The following CCDC24 variants were observed in gnomAD, a reference collection of about 807,000 sequenced individuals.
CCDC24 encodes coiled-coil domain-containing protein 24.
A neutral mutation model predicts 31.6 loss-of-function variants in CCDC24; 34 were observed. The ratio of observed to expected loss-of-function variants is 1.08; its 90% confidence interval spans 0.82 to 1.43. CCDC24 has a LOEUF of 1.43. CCDC24 is among the 40% of genes most tolerant of loss of function. The probability of loss-of-function intolerance (pLI) is 0.00; values close to 1 mark genes in which losing one functional copy is unlikely to be tolerated. For missense variants in CCDC24, 426 were observed against 391.1 expected, an observed-to-expected ratio of 1.09 and a Z score of -0.75; for synonymous variants, 175 against 157.3, an observed-to-expected ratio of 1.11 and a Z score of -0.84.
chr1:43,991,825 C>T, intron 1 of CCDC24, 22 bp from the exon 2 acceptor site: 1 of 1,543,206 alleles, frequency 6.5e-7, no homozygotes, highest in Non-Finnish European at 8.7e-7. Context: ...GTACCTCCCG[C>T]ACTCTGACCT....
In CCDC24 at chr1:43,995,863, C is replaced by CACA; in HGVS notation, c.701+11_701+13dup. 3 of 1,614,216 alleles carry CACA rather than the reference C, an allele frequency of 1.9e-6. No individual in the cohort carries two copies. Among genetic ancestry groups the CACA allele is most frequent in the Non-Finnish European group, 2.5e-6 (3 of 1,180,026 alleles). On this transcript the variant is annotated splice_region_variant and intron_variant, in intron 8 of 8. Coordinates refer to ENST00000372318, the MANE Select transcript of CCDC24 (RefSeq NM_152499.4). The surrounding 1 kb of genome is among the most constrained non-coding windows in gnomAD (Gnocchi z 4.3). Reference sequence around the variant, plus strand: ...GTGTCTCTCCCAACCACAGGTAAACCACAACAGTAGACACAGGGCAGGGTG... The same window carrying CACA: ...GTGTCTCTCCCAACCACAGGTAAACCACAACAACAGTAGACACAGGGCAGGGTG...
chr1:43,992,090 G>T (rs2085755388), intron 2 of CCDC24, 86 bp downstream of exon 2: 10 of 1,501,926 alleles, frequency 6.7e-6, no homozygotes, highest in Non-Finnish European at 8.9e-6. Flanking sequence ...GGCCCTGCCG[G>T]GTAACTCCCG....
rs1325356797 is a variant in CCDC24, at chr1:43,991,727, G to A, written c.-52G>A. ...CCGGAACGGGCAATCCCAGCCGAGG[G>A]GACCAGCGGCAGAGCACGGGTGGGG... On this transcript the variant is annotated 5_prime_UTR_variant, in exon 1 of 9. Transcript: ENST00000372318. 2.0e-6 allele frequency: 2 copies of A among 1,020,456 alleles called. No homozygotes were observed. The highest frequency in any genetic ancestry group is 3.0e-6 in the Non-Finnish European group (2 of 676,106). The allele number at this position is 1,020,456 out of a possible 1,614,324, so 63.2% of individuals were successfully genotyped here. A position where few individuals can be genotyped will look rare whatever the true frequency, so the allele number is the denominator to read the frequency against.
In CCDC24 at chr1:43,995,150, C is replaced by A. The variant is rs1203961465; in HGVS notation, c.540C>A (p.Ile180=). ...EEECHTLERE[I]LILQRCLEEE... is the part of the protein sequence containing the mutation. ...AGTGTCACACCTTGGAGAGGGAGAT[C>A]CTCATCCTGCAGGTGAGCCGCAGCC... The change falls in exon 6 of 9, where the codon ATC becomes ATA. Residue 180 remains isoleucine, a synonymous_variant. Transcript: ENST00000372318. This position sits in a 1 kb window ranked among gnomAD's most constrained non-coding sequence, Gnocchi z 4.3. The A allele has an allele frequency of 6.3e-7, 1 of 1,577,194 alleles. No homozygotes were observed. Among genetic ancestry groups the A allele is most frequent in the Non-Finnish European group, 8.6e-7 (1 of 1,162,112 alleles).
At position 43,996,458 on chromosome 1, in the gene CCDC24, G is replaced by A. The variant is rs1437352343; in HGVS notation, c.*298G>A. 7.7e-6 allele frequency: 3 copies of A among 391,622 alleles called. No individual in the cohort carries two copies. Among genetic ancestry groups the A allele is most frequent in the Non-Finnish European group, 1.4e-5 (3 of 219,550 alleles). 24.3% of individuals were successfully genotyped at this position (391,622 alleles called of 1,614,324 possible). A position where few individuals can be genotyped will look rare whatever the true frequency, so the allele number is the denominator to read the frequency against. ...CCAGCCTGACTCTTGTCCCCTGGGG[G>A]ACCCAGACAAAGCACAGCAGCCGCT... On this transcript the variant is annotated 3_prime_UTR_variant, in exon 9 of 9. Transcript: ENST00000372318.
At position 43,993,918 on chromosome 1, in the gene CCDC24, G is replaced by A; in HGVS notation, c.451G>A (p.Asp151Asn). Residue 151 changes from aspartate (D) to asparagine (N), a missense_variant, in exon 5 of 9, where the codon GAC (aspartate) becomes AAC (asparagine). Coordinates refer to ENST00000372318, the MANE Select transcript of CCDC24 (RefSeq NM_152499.4). ...SGHRDLSIIK[D>N]QLNVSNIDQV... Reference sequence around the variant, plus strand: ...TCACAGAGATCTCAGCATCATCAAGGACCAACTGAACGTGTCCAACATTGA... The same window carrying A: ...TCACAGAGATCTCAGCATCATCAAGAACCAACTGAACGTGTCCAACATTGA... The A allele has an allele frequency of 6.2e-7, 1 of 1,614,192 alleles. No homozygotes were observed. Among genetic ancestry groups the A allele is most frequent in the Non-Finnish European group, 8.5e-7 (1 of 1,180,028 alleles).
rs530272003 is a variant in CCDC24 at position 43,996,094 on chromosome 1, G to A, written c.858G>A (p.Gln286=). The part of the protein sequence containing the change: ...SATHRWGRQL[Q]CSPREGPAST... ...CCCACCGCTGGGGACGGCAGCTTCA[G>A]TGCAGCCCCAGGGAAGGGCCAGCTT... Residue 286 remains glutamine, a synonymous_variant, in exon 9 of 9, where the codon CAG becomes CAA. Transcript: ENST00000372318. 1.2e-6 allele frequency: 2 copies of A among 1,613,906 alleles called. No homozygotes were observed. The highest frequency in any genetic ancestry group is 1.7e-6 in the Non-Finnish European group (2 of 1,179,960).
intron 5 of CCDC24, 130 bp downstream of exon 5, chr1:43,994,094 A>C (rs1571819680): frequency 2.5e-6 from 2 of 786,894 alleles, no homozygotes; most frequent in East Asian, 5.4e-5. Context: ...TAAGGCTGAG[A>C]GGTGGAAAGA....
intron 4 of CCDC24, chr1:43,993,664 A>AT: frequency 8.6e-6 from 4 of 464,388 alleles, no homozygotes; most frequent in East Asian, 3.5e-5. Flanking sequence ...AAAAAAAAAA[A>AT]GGAAAAGAAA....
rs761510189 is a variant in CCDC24 at position 43,992,212 on chromosome 1, G to T, written c.127G>T (p.Val43Leu). Residue 43 changes from valine to leucine, a missense_variant and splice_region_variant, in exon 3 of 9, where the codon GTG (valine) becomes TTG (leucine). Val to Leu is a conservative substitution (Grantham distance 32). Coordinates refer to ENST00000372318, the MANE Select transcript of CCDC24 (RefSeq NM_152499.4). ...CAAGGTATCCCAGCTCTCCTTGCAG[G>T]TGGCGATGTTACGGGCACTGCTCCA... is the stretch of plus-strand genomic sequence containing the variant. ...VDLSLELRAE[V>L]AMLRALLQEA... 1.2e-6 allele frequency: 2 copies of T among 1,610,698 alleles called. No homozygotes were observed. The highest frequency in any genetic ancestry group is 8.5e-7 in the Non-Finnish European group (1 of 1,177,838).
At chr1:43,994,112 G>A in intron 5 of CCDC24, 148 bp downstream of exon 5, 1 of 697,496 alleles carries the variant, frequency 1.4e-6, no homozygotes, top group Non-Finnish European at 2.5e-6. Context: ...AGAGCTGGCT[G>A]CTATAGAGCT....
chr1:43,996,335 T>G lies in CCDC24; in HGVS notation c.*175T>G. On this transcript the variant is annotated 3_prime_UTR_variant, in exon 9 of 9. Transcript: ENST00000372318. Reference sequence around the variant, plus strand: ...CCACCCCCTTGCCAGATCCCTGGTGTCTGGAGCTGAGTGGCCGGGCATCGG... The same window carrying G: ...CCACCCCCTTGCCAGATCCCTGGTGGCTGGAGCTGAGTGGCCGGGCATCGG... 1 of 608,008 alleles carries G rather than the reference T, an allele frequency of 1.6e-6. No homozygotes were observed. Among genetic ancestry groups the G allele is most frequent in the East Asian group, 2.9e-5 (1 of 34,388 alleles). 37.7% of individuals were successfully genotyped at this position (608,008 alleles called of 1,614,324 possible).
At position 43,992,142 on chromosome 1, in the gene CCDC24, C is replaced by T. The variant is rs769556135; in HGVS notation, c.127-70C>T. On this transcript the variant is annotated intron_variant, in intron 2 of 8. Coordinates refer to ENST00000372318, the MANE Select transcript of CCDC24 (RefSeq NM_152499.4). ...TCCCCTTTGACTCCGCCCTCTCCCT[C>T]ACTCCCCCAGCCCCCACCATTCCGG... is the stretch of plus-strand genomic sequence containing the variant. 4 of 1,526,356 alleles carry T rather than the reference C, an allele frequency of 2.6e-6. No homozygotes were observed. In the South Asian group the frequency reaches 3.7e-5, roughly 14 times the overall value. 94.6% of individuals were successfully genotyped at this position (1,526,356 alleles called of 1,614,324 possible). A position where few individuals can be genotyped will look rare whatever the true frequency, so the allele number is the denominator to read the frequency against.
In CCDC24 at chr1:43,995,248, A is replaced by G. The variant is rs966479612; in HGVS notation, c.552+86A>G. On this transcript the variant is annotated intron_variant, in intron 6 of 8. Transcript: ENST00000372318. The surrounding 1 kb of genome is among the most constrained non-coding windows in gnomAD (Gnocchi z 4.3). ...GTGAGACCCATGTACCTGTGTGCAT[A>G]CATAGGTGCATGTACAGGCTATGTG... The G allele has an allele frequency of 1.5e-6, 2 of 1,321,612 alleles. No homozygotes were observed. Among genetic ancestry groups the G allele is most frequent in the Non-Finnish European group, 2.1e-6 (2 of 949,522 alleles). 81.9% of individuals were successfully genotyped at this position (1,321,612 alleles called of 1,614,324 possible).
Position 43,991,638 on chromosome 1 carries a change from C to T in CCDC24, c.-141C>T. On this transcript the variant is annotated 5_prime_UTR_variant, in exon 1 of 9. Transcript: ENST00000372318. ...GGCCCTGGTTCCCACTGCCTGGTTTCTGGGCCCCCGGCATCCGAGTCGGCC... is the reference window on the plus strand; with the variant it reads ...GGCCCTGGTTCCCACTGCCTGGTTTTTGGGCCCCCGGCATCCGAGTCGGCC... The T allele has an allele frequency of 1.4e-6, 1 of 709,094 alleles. No individual in the cohort carries two copies. The highest frequency in any genetic ancestry group is 2.6e-6 in the Non-Finnish European group (1 of 391,108). 43.9% of individuals were successfully genotyped at this position (709,094 alleles called of 1,614,324 possible).
At position 43,992,259 on chromosome 1, in the gene CCDC24, C is replaced by T. The variant is rs751702860; in HGVS notation, c.174C>T (p.Ala58=). The T allele has an allele frequency of 6.2e-7, 1 of 1,614,070 alleles. No homozygotes were observed. The highest frequency in any genetic ancestry group is 2.2e-5 in the East Asian group (1 of 44,872). Residue 58 remains alanine (A), a synonymous_variant, in exon 3 of 9, where the codon GCC becomes GCT. Coordinates refer to ENST00000372318, the MANE Select transcript of CCDC24 (RefSeq NM_152499.4). ...ALLQEARSSQ[A]PSSRPISDPS... Reference sequence around the variant, plus strand: ...TCCAAGAGGCTCGATCCTCTCAAGCCCCCAGCTCCCGCCCCATCTCTGACC... The same window carrying T: ...TCCAAGAGGCTCGATCCTCTCAAGCTCCCAGCTCCCGCCCCATCTCTGACC...
At chr1:43,994,154 C>A in intron 5 of CCDC24, 190 bp downstream of exon 5, 1 of 591,262 alleles carries the variant, frequency 1.7e-6, no homozygotes, top group Non-Finnish European at 3.0e-6. Flanking sequence ...CAGCCAAGTA[C>A]AGATGCCACG....
In CCDC24 at chr1:43,996,437, C is replaced by A; in HGVS notation, c.*277C>A. On this transcript the variant is annotated 3_prime_UTR_variant, in exon 9 of 9. Transcript: ENST00000372318. ...CTGGCAGACAGAGGTCTCATTCCAG[C>A]CTGACTCTTGTCCCCTGGGGGACCC... 1 of 428,108 alleles carries A rather than the reference C, an allele frequency of 2.3e-6. No individual in the cohort carries two copies. The highest frequency in any genetic ancestry group is 4.1e-6 in the Non-Finnish European group (1 of 241,358). The allele number at this position is 428,108 out of a possible 1,614,324, so 26.5% of individuals were successfully genotyped here.
rs1557656637 is a variant in CCDC24 at position 43,992,559 on chromosome 1, G to C, written c.339G>C (p.Arg113Ser). The C allele has an allele frequency of 6.2e-7, 1 of 1,614,232 alleles. No individual in the cohort carries two copies. The highest frequency in any genetic ancestry group is 8.5e-7 in the Non-Finnish European group (1 of 1,180,048). ...AAGCTTGGGTCCAGTATAGCCCCAGGGTCCTGCACTTTGCCTTGGAGGAGC... is the reference window on the plus strand; with the variant it reads ...AAGCTTGGGTCCAGTATAGCCCCAGCGTCCTGCACTTTGCCTTGGAGGAGC... ...QAQAWVQYSP[R>S]VLHFALEEPR... The change falls in exon 4 of 9, where the codon AGG becomes AGC. Residue 113 changes from arginine to serine, a missense_variant. Coordinates refer to ENST00000372318, the MANE Select transcript of CCDC24 (RefSeq NM_152499.4).
Sources: allele counts gnomAD v4.1 joint callset, GRCh38; gene constraint gnomAD v4.1.1; non-coding constraint Gnocchi (gnomAD v3.1); transcripts MANE v1.5; gene names NCBI Gene and HGNC (gene_info 2026-07-23, HGNC 2026-07-21).